DENND3: variants seen among roughly 807,000 people sequenced by gnomAD.
DENND3 encodes DENN domain containing 3.
DENND3 carries 88 observed loss-of-function variants against 135.1 expected under a neutral mutation model. The ratio of observed to expected loss-of-function variants is 0.65; its 90% CI spans 0.55 to 0.78. The LOEUF is 0.78. DENND3 is among the 30% of genes least tolerant of loss of function. The pLI, the probability that DENND3 is intolerant of heterozygous loss-of-function variation, is 0.00. For synonymous variants in DENND3, 693 were observed against 712.3 expected, an observed-to-expected ratio of 0.97 and a Z score of 0.43; for missense variants, 1,392 against 1,688.4, an observed-to-expected ratio of 0.82 and a Z score of 3.08.
chr8:141,143,275 AT>A (rs922067683), intron 4 of DENND3, among the ~76,000 whole-genome samples: 89 of 151,980 alleles, frequency 5.9e-4, no homozygotes, highest in Middle Eastern at 3.4e-3. Flanking sequence ...TTTTTTTTAA[AT>A]TTTTTTTTAT....
intron 4 of DENND3, chr8:141,142,383 T>C: frequency 4.4e-6 from 2 of 457,090 alleles, no homozygotes; most frequent in Non-Finnish European, 8.8e-6. Context: ...GAATTGGTGC[T>C]GTTCTTGCTT....
chr8:141,171,905 GCA>G lies in DENND3; in HGVS notation c.2276-3292_2276-3291del, dbSNP rs555435954. On this transcript the variant is annotated intron_variant, in intron 13 of 22. Coordinates refer to ENST00000519811, the MANE Select transcript of DENND3 (RefSeq NM_001352890.3). ...GGTGATGGGCATGCACAGTGGGTGT[GCA>G]CAGTGGCCGAGGGTGTGCATGGTGG... Among the ~76,000 whole-genome samples the G allele has an allele frequency of 7.9e-5, 12 of 151,926 alleles. No individual in the cohort carries two copies. In the South Asian group the frequency reaches 2.5e-3, roughly 32 times the overall value.
Position 141,141,637 on chromosome 8 carries a change from A to C in DENND3, c.623+313A>C. On this transcript the variant is annotated intron_variant, in intron 4 of 22. Coordinates refer to ENST00000519811, the MANE Select transcript of DENND3 (RefSeq NM_001352890.3). The surrounding 1 kb of genome is among the most constrained non-coding windows in gnomAD (Gnocchi z 5.3). ...GTCGGAAGTAAGGTTGATGTTCAGG[A>C]TTTTCATTTTGTTTAGTTTTTCACA... 3.2e-6 allele frequency: 1 copy of C among 308,800 alleles called. No individual in the cohort carries two copies. Among genetic ancestry groups the C allele is most frequent in the South Asian group, 4.6e-5 (1 of 21,876 alleles). The allele number at this position is 308,800 out of a possible 1,614,324, so 19.1% of individuals were successfully genotyped here.
At chr8:141,190,099 GTTA>G (rs1406851594) in intron 19 of DENND3, among the ~76,000 whole-genome samples, 182 bp from the exon 20 acceptor site, 1 of 106,336 alleles carries the variant, frequency 9.4e-6, no homozygotes, top group Non-Finnish European at 2.0e-5. Context: ...ATGTTTGCAT[GTTA>G]TTATCATGTT....
In DENND3 at chr8:141,154,624, A is replaced by G. The variant is rs1215988928; in HGVS notation, c.1075-1225A>G. ...GTTGCCCAGGCTGGAGTGCAATGGC[A>G]CGATCTCAGCTCACTGCAACCTCCG... On this transcript the variant is annotated intron_variant, in intron 7 of 22. Coordinates refer to ENST00000519811, the MANE Select transcript of DENND3 (RefSeq NM_001352890.3). The surrounding 1 kb of genome is among the most constrained non-coding windows in gnomAD (Gnocchi z 4.4). Among the ~76,000 whole-genome samples the G allele has an allele frequency of 6.7e-6, 1 of 149,742 alleles. No homozygotes were observed. The highest frequency in any genetic ancestry group is 1.5e-5 in the Non-Finnish European group (1 of 67,710).
At chr8:141,133,742 C>G (rs182786852) in intron 1 of DENND3, among the ~76,000 whole-genome samples, 4 of 152,268 alleles carry the variant, frequency 2.6e-5, no homozygotes, top group African/African-American at 7.2e-5. Flanking sequence ...GGCTGGAGTA[C>G]CAGCTCTGAA....
intron 9 of DENND3, among the ~76,000 whole-genome samples, chr8:141,162,932 C>G (rs1347517647): frequency 2.0e-5 from 3 of 152,196 alleles, no homozygotes; most frequent in Admixed American, 6.5e-5. Flanking sequence ...AACAGACAAA[C>G]AAACACAGAG....
rs772175423 is a variant in DENND3 at position 141,192,431 on chromosome 8, C to T, written c.3480C>T (p.Ala1160=). Residue 1160 remains alanine, a synonymous_variant, in exon 21 of 23, where the codon GCC becomes GCT. Transcript: ENST00000519811. ...AAGACACCAGTACCTCCTTCCTGGCCTTCCAGCTCCTTCCTGAGGTATCCC... is the reference window on the plus strand; with the variant it reads ...AAGACACCAGTACCTCCTTCCTGGCTTTCCAGCTCCTTCCTGAGGTATCCC... The part of the protein sequence containing the change: ...NFKDTSTSFL[A]FQLLPEEEQL... The T allele has an allele frequency of 6.2e-7, 1 of 1,614,222 alleles. No individual in the cohort carries two copies. The highest frequency in any genetic ancestry group is 1.1e-5 in the South Asian group (1 of 91,090).
At position 141,192,508 on chromosome 8, in the gene DENND3, C is replaced by T; in HGVS notation, c.3499-18C>T. On this transcript the variant is annotated intron_variant, in intron 21 of 22. Transcript: ENST00000519811. The stretch of plus-strand genomic sequence containing the variant: ...CGTGGCCCGGGGCCCATAGCCCACA[C>T]CGTGCCCTGCGTTTCAGGAGGAGCA... 6.2e-7 allele frequency: 1 copy of T among 1,605,058 alleles called. No individual in the cohort carries two copies. Among genetic ancestry groups the T allele is most frequent in the South Asian group, 1.1e-5 (1 of 90,294 alleles).
intron 7 of DENND3, among the ~76,000 whole-genome samples, chr8:141,153,764 A>C (rs1819105066): frequency 6.6e-6 from 1 of 152,214 alleles, no homozygotes; most frequent in Non-Finnish European, 1.5e-5. Flanking sequence ...TGAAGTTTAA[A>C]GTTGTTTCTT....
chr8:141,140,899 C>A (rs951029876), intron 3 of DENND3, among the ~76,000 whole-genome samples: 1 of 152,212 alleles, frequency 6.6e-6, no homozygotes, highest in African/African-American at 2.4e-5. Context: ...AAAGCAGAGT[C>A]CTTTGTGTGT....
chr8:141,133,148 C>T (rs891446638), intron 1 of DENND3, among the ~76,000 whole-genome samples: 2 of 152,070 alleles, frequency 1.3e-5, no homozygotes, highest in Admixed American at 6.6e-5. Flanking sequence ...GAGGGTCTGC[C>T]CCCGTGCAGG....
In DENND3 at chr8:141,144,613, C is replaced by T. The variant is rs897291599; in HGVS notation, c.735+354C>T. On this transcript the variant is annotated intron_variant, in intron 5 of 22. Transcript: ENST00000519811. This position sits in a 1 kb window ranked among gnomAD's most constrained non-coding sequence, Gnocchi z 4.4. ...ACTGAACAGGTTCCCTCTTGGCCAA[C>T]GGGACCCTAGAAAAACCTTAAAAAT... 2.0e-5 allele frequency among the ~76,000 whole-genome samples: 3 copies of T among 151,874 alleles called. No individual in the cohort carries two copies. The highest frequency in any genetic ancestry group is 1.9e-4 in the East Asian group (1 of 5,162).
rs1471216027 is a variant in DENND3, at chr8:141,190,376, G to A, written c.3338G>A (p.Gly1113Asp). The change falls in exon 20 of 23, where the codon GGC becomes GAC. Residue 1113 changes from glycine (G) to aspartate (D), a missense_variant. Physicochemically the swap from Gly to Asp is moderately conservative, Grantham distance 94. Transcript: ENST00000519811. Reference sequence around the variant, plus strand: ...AGCCGCTTCCAGCTGCCGCGAGGTGGCCTGACGTCCATCAGACTGCACGGC... The same window carrying A: ...AGCCGCTTCCAGCTGCCGCGAGGTGACCTGACGTCCATCAGACTGCACGGC... ...VTSRFQLPRG[G>D]LTSIRLHGGR... 1 of 1,612,790 alleles carries A rather than the reference G, an allele frequency of 6.2e-7. No individual in the cohort carries two copies. The highest frequency in any genetic ancestry group is 1.3e-5 in the African/African-American group (1 of 75,060).
rs1257545798 is a variant in DENND3 at position 141,148,712 on chromosome 8, A to G, written c.736-2122A>G. Among the ~76,000 whole-genome samples, 3 of 152,120 alleles carry G rather than the reference A, an allele frequency of 2.0e-5. No individual in the cohort carries two copies. In the East Asian group the frequency reaches 5.8e-4, roughly 29 times the overall value. Reference sequence around the variant, plus strand: ...AATCTCTAGCATGCACCCGAGACCAACCAAAGGCTGGTGGAGTGATTAGCA... The same window carrying G: ...AATCTCTAGCATGCACCCGAGACCAGCCAAAGGCTGGTGGAGTGATTAGCA... On this transcript the variant is annotated intron_variant, in intron 5 of 22. Coordinates refer to ENST00000519811, the MANE Select transcript of DENND3 (RefSeq NM_001352890.3).
intron 13 of DENND3, among the ~76,000 whole-genome samples, chr8:141,171,212 C>T (rs879620248): frequency 6.6e-6 from 1 of 152,144 alleles, no homozygotes; most frequent in Non-Finnish European, 1.5e-5. Flanking sequence ...TTAAAAAAAA[C>T]AACAAGGTTT....
rs763193216 is a variant in DENND3, at chr8:141,190,417, T to C, written c.3379T>C (p.Cys1127Arg). The change falls in exon 20 of 23, where the codon TGC (cysteine) becomes CGC (arginine). Residue 1127 changes from cysteine to arginine, a missense_variant and splice_region_variant. By Grantham distance (180) the Cys-to-Arg change is radical. Coordinates refer to ENST00000519811, the MANE Select transcript of DENND3 (RefSeq NM_001352890.3). ...IRLHGGRLWC[C>R]TGNSIMVMKM... ...ACTGCACGGCGGCCGCCTGTGGTGC[T>C]GTAAGTCCGGCCCCTGCCATCAGAG... 4 of 1,606,944 alleles carry C rather than the reference T, an allele frequency of 2.5e-6. No individual in the cohort carries two copies. Among genetic ancestry groups the C allele is most frequent in the Non-Finnish European group, 8.5e-7 (1 of 1,177,688 alleles).
chr8:141,176,753 G>T lies in DENND3; in HGVS notation c.2698G>T (p.Asp900Tyr). 6.2e-7 allele frequency: 1 copy of T among 1,613,872 alleles called. No homozygotes were observed. The highest frequency in any genetic ancestry group is 1.1e-5 in the South Asian group (1 of 91,038). Residue 900 changes from aspartate to tyrosine, a missense_variant, in exon 15 of 23, where the codon GAC becomes TAC. Asp to Tyr is a radical substitution (Grantham distance 160, BLOSUM62 -3). Coordinates refer to ENST00000519811, the MANE Select transcript of DENND3 (RefSeq NM_001352890.3). Reference protein sequence around the residue: ...EMWAGKKLADDHKDPHYVQQA... With the variant: ...EMWAGKKLADYHKDPHYVQQA... ...GTGGGCTGGGAAGAAGCTGGCCGAT[G>T]ACCACAAGGTGGGAGACGCGGGTCC...
Position 141,141,723 on chromosome 8 carries a change from G to A in DENND3, c.623+399G>A, listed in dbSNP as rs1817479736. The A allele has an allele frequency of 4.4e-6, 1 of 224,794 alleles. No individual in the cohort carries two copies. The highest frequency in any genetic ancestry group is 2.3e-5 in the African/African-American group (1 of 42,942). 13.9% of individuals were successfully genotyped at this position (224,794 alleles called of 1,614,324 possible). ...TGAGAATATTAGGAGGCTGCTGTTTGTTCCAATGAGTTTTATTGACATTTT... is the reference window on the plus strand; with the variant it reads ...TGAGAATATTAGGAGGCTGCTGTTTATTCCAATGAGTTTTATTGACATTTT... On this transcript the variant is annotated intron_variant, in intron 4 of 22. Transcript: ENST00000519811. This position sits in a 1 kb window ranked among gnomAD's most constrained non-coding sequence, Gnocchi z 5.3.
Sources: gnomAD v4.1 joint callset for allele counts (sites outside exome capture counted in the v4.1 genomes callset) on GRCh38, gnomAD v4.1.1 for gene constraint, Gnocchi (gnomAD v3.1) non-coding constraint, MANE v1.5 for transcripts, NCBI Gene and HGNC (gene_info 2026-07-23, HGNC 2026-07-21) for gene names.